Variants in P2RY12 observed in about 807,000 individuals in gnomAD.
P2RY12 encodes purinergic receptor P2Y12.
Under a neutral mutation model 4.5 loss-of-function variants are expected in P2RY12, and 3 were observed. That is an observed-to-expected ratio of 0.67 (90% CI 0.31 to 1.74). P2RY12 has a LOEUF of 1.74. Ranked by LOEUF, P2RY12 falls within the 40% of genes most tolerant of loss-of-function variation. The pLI is 0.09. For missense variants in P2RY12, 356 were observed against 407.8 expected, an observed-to-expected ratio of 0.87 and a Z score of 1.09; for synonymous variants, 148 against 154.1, an observed-to-expected ratio of 0.96 and a Z score of 0.29.
At position 151,338,287 on chromosome 3, in the gene P2RY12, G is replaced by A. The variant is rs1212003771; in HGVS notation, c.559C>T (p.His187Tyr). 1 of 1,613,998 alleles carries A rather than the reference G, an allele frequency of 6.2e-7. No homozygotes were observed. Among genetic ancestry groups the A allele is most frequent in the South Asian group, 1.1e-5 (1 of 91,086 alleles). Residue 187 changes from histidine (H) to tyrosine (Y), a missense_variant, in exon 3 of 3, where the codon CAT (histidine) becomes TAT (tyrosine). Transcript: ENST00000302632. Reference sequence around the variant, plus strand: ...TGACAGATGTAATTTACTATTTCATGCCAGACTAGACCGAACTCTGATTTA... The same window carrying A: ...TGACAGATGTAATTTACTATTTCATACCAGACTAGACCGAACTCTGATTTA... The part of the protein sequence containing the change: ...FLKSEFGLVW[H>Y]EIVNYICQVI...
intron 1 of P2RY12, chr3:151,372,823 G>C: frequency 7.2e-7 from 1 of 1,392,830 alleles, no homozygotes; most frequent in Non-Finnish European, 1.0e-6. Flanking sequence ...TTTGGAGAGA[G>C]CTACTTACAC....
At chr3:151,354,668 A>G (rs1753696158) in intron 1 of P2RY12, among the ~76,000 whole-genome samples, 1 of 152,216 alleles carries the variant, frequency 6.6e-6, no homozygotes. Flanking sequence ...ACTACTCACT[A>G]GAATGGTTAA....
chr3:151,372,624 T>C, intron 1 of P2RY12: 1 of 1,612,168 alleles, frequency 6.2e-7, no homozygotes, highest in Non-Finnish European at 8.5e-7. Context: ...GACTTCACCA[T>C]GAGAGGTTTG....
At position 151,357,321 on chromosome 3, in the gene P2RY12, C is replaced by T. The variant is rs374174117; in HGVS notation, c.-179-16561G>A. ...TGTCTGCATCGTGGCTGTTCTCAGG[C>T]GCTATCACAGTTGTCTAATCTTGAA... On this transcript the variant is annotated intron_variant, in intron 1 of 2. Coordinates refer to ENST00000302632, the MANE Select transcript of P2RY12 (RefSeq NM_022788.5). The T allele has an allele frequency of 7.4e-6, 12 of 1,613,572 alleles. No homozygotes were observed. The African/African-American group carries it at 8.0e-5, about 11-fold the overall frequency.
chr3:151,359,235 A>G (rs1247939196), intron 1 of P2RY12, among the ~76,000 whole-genome samples: 6 of 152,124 alleles, frequency 3.9e-5, no homozygotes, highest in East Asian at 1.9e-4. Context: ...AGCTACATCT[A>G]TATTGCTGCA....
chr3:151,375,030 A>G (rs765835974), intron 1 of P2RY12, among the ~76,000 whole-genome samples: 4 of 152,236 alleles, frequency 2.6e-5, no homozygotes, highest in Non-Finnish European at 5.9e-5. Context: ...GGCATGTTAT[A>G]ACTATGGTAA....
intron 1 of P2RY12, among the ~76,000 whole-genome samples, chr3:151,373,479 G>A (rs1296470759): frequency 6.6e-6 from 1 of 151,844 alleles, no homozygotes; most frequent in Non-Finnish European, 1.5e-5. Context: ...TCTTCTCCTT[G>A]TTTAACTCCC....
rs190679350 is a variant in P2RY12, at chr3:151,381,834, G to C, written c.-180+2858C>G. 1.2e-3 allele frequency among the ~76,000 whole-genome samples: 178 copies of C among 152,324 alleles called. 1 individual carries two copies. Among genetic ancestry groups the C allele is most frequent in the Admixed American group, 9.5e-3 (146 of 15,292 alleles). ...TTTCTTCTGATGAGATTTGGGAAGT[G>C]CTTTCCTCTCACCTTGCAGGGTACT... On this transcript the variant is annotated intron_variant, in intron 1 of 2. Coordinates refer to ENST00000302632, the MANE Select transcript of P2RY12 (RefSeq NM_022788.5).
rs1040411530 is a variant in P2RY12 at position 151,337,625 on chromosome 3, T to G, written c.*192A>C. 9 of 603,302 alleles carry G rather than the reference T, an allele frequency of 1.5e-5. No individual in the cohort carries two copies. Among genetic ancestry groups the G allele is most frequent in the Non-Finnish European group, 2.0e-5 (7 of 350,488 alleles). The allele number at this position is 603,302 out of a possible 1,614,324, so 37.4% of individuals were successfully genotyped here. ...GCTGCTAATACAGCTACAGTTTAGA[T>G]TAGTTTTCTATATTTTAAGATAGCT... On this transcript the variant is annotated 3_prime_UTR_variant, in exon 3 of 3. Transcript: ENST00000302632.
At chr3:151,356,624 T>A (rs1049546121) in intron 1 of P2RY12, among the ~76,000 whole-genome samples, 1 of 150,136 alleles carries the variant, frequency 6.7e-6, no homozygotes, top group Non-Finnish European at 1.5e-5. Context: ...GTTTCTTCTG[T>A]TTTTTTTTGT....
chr3:151,338,828 G>A lies in P2RY12; in HGVS notation c.18C>T (p.Asn6=), dbSNP rs6785930. Residue 6 remains asparagine, a synonymous_variant, in exon 3 of 3, where the codon AAC becomes AAT. Coordinates refer to ENST00000302632, the MANE Select transcript of P2RY12 (RefSeq NM_022788.5). ...TGGTGTTACCAGGCGCAGAGGTGAG[G>A]TTGTCGACGGCTTGCATTTCTTGTT... MQAVD[N]LTSAPGNTSL... is the part of the protein sequence containing the mutation. 0.3 allele frequency: 486,228 copies of A among 1,610,536 alleles called. 74,988 individuals carry two copies. Among genetic ancestry groups the A allele is most frequent in the Admixed American group, 0.31 (18,767 of 59,892 alleles).
chr3:151,375,867 G>T (rs1408337955), intron 1 of P2RY12, among the ~76,000 whole-genome samples: 1 of 151,488 alleles, frequency 6.6e-6, no homozygotes, highest in Non-Finnish European at 1.5e-5. Flanking sequence ...TAAAAATTTT[G>T]TTTTTTAAAA....
intron 1 of P2RY12, among the ~76,000 whole-genome samples, chr3:151,344,475 T>A (rs1577385801): frequency 1.3e-5 from 2 of 152,256 alleles, no homozygotes; most frequent in South Asian, 4.1e-4. Flanking sequence ...AAAGAAATAG[T>A]GTTTTAAGGC....
At chr3:151,356,508 C>T (rs1258258631) in intron 1 of P2RY12, among the ~76,000 whole-genome samples, 1 of 152,130 alleles carries the variant, frequency 6.6e-6, no homozygotes, top group South Asian at 2.1e-4. Context: ...TGTGAATTAA[C>T]AGTCTTAAAC....
chr3:151,347,784 T>G (rs1263010725), intron 1 of P2RY12, among the ~76,000 whole-genome samples: 1 of 152,130 alleles, frequency 6.6e-6, no homozygotes, highest in Admixed American at 6.5e-5. Context: ...TTATCCCAGG[T>G]TTTCTCACAA....
At chr3:151,364,946 T>G (rs922116587) in intron 1 of P2RY12, 3 of 1,466,410 alleles carry the variant, frequency 2.0e-6, no homozygotes, top group Non-Finnish European at 2.9e-6. Context: ...TAGTTTTATT[T>G]TTCTGTTTTA....
At chr3:151,383,414 C>G (rs1712759204) in intron 1 of P2RY12, among the ~76,000 whole-genome samples, 1 of 152,194 alleles carries the variant, frequency 6.6e-6, no homozygotes, top group South Asian at 2.1e-4. Flanking sequence ...ACAGCAAACA[C>G]AAAGATGCAG....
chr3:151,372,761 C>A, intron 1 of P2RY12: 1 of 1,611,608 alleles, frequency 6.2e-7, no homozygotes, highest in South Asian at 1.1e-5. Context: ...GACTATCTGT[C>A]AACAGGTATT....
chr3:151,360,644 T>A (rs756182410), intron 1 of P2RY12: 18 of 1,565,984 alleles, frequency 1.1e-5, no homozygotes, highest in Non-Finnish European at 1.5e-5. Context: ...AATAGGATCA[T>A]GCCTATGTTT....
Sources: gnomAD v4.1 joint callset for allele counts (sites outside exome capture counted in the v4.1 genomes callset) on GRCh38, gnomAD v4.1.1 for gene constraint, MANE v1.5 for transcripts, NCBI Gene and HGNC (gene_info 2026-07-23, HGNC 2026-07-21) for gene names.